Variants in TMEM17 observed in about 807,000 individuals in gnomAD.
TMEM17 encodes the protein transmembrane protein 17.
Under a neutral mutation model 19.1 loss-of-function variants are expected in TMEM17, and 15 were observed. That is an observed-to-expected ratio of 0.78 (90% CI 0.52 to 1.21). TMEM17 has a LOEUF of 1.21. Among genes scored for constraint, TMEM17 ranks in the 50% most tolerant of loss-of-function variants. The probability of loss-of-function intolerance (pLI) is 0.00; values close to 1 mark genes in which losing one functional copy is unlikely to be tolerated. For missense variants in TMEM17, 245 were observed against 242.3 expected, an observed-to-expected ratio of 1.01 and a Z score of -0.07; for synonymous variants, 103 against 86.9, an observed-to-expected ratio of 1.19 and a Z score of -1.03.
At position 62,506,035 on chromosome 2, in the gene TMEM17, C is replaced by T; in HGVS notation, c.95G>A (p.Gly32Asp). 1 of 1,609,962 alleles carries T rather than the reference C, an allele frequency of 6.2e-7. No homozygotes were observed. The change falls in exon 1 of 4, where the codon GGT (glycine) becomes GAT (aspartate). Residue 32 changes from glycine (G) to aspartate (D), a missense_variant. By Grantham distance (94) the Gly-to-Asp change is moderately conservative. Coordinates refer to ENST00000335390, the MANE Select transcript of TMEM17 (RefSeq NM_198276.3). ...ACCGGGCCTCGGTCACTCACCCGGA[C>T]CCTCATTGGACTCTGGACCGGTCCG... The part of the protein sequence containing the change: ...SNRTGPESNE[G>D]PENEMVSSLA...
At chr2:62,486,876 C>T in the TMEM17 span, among the ~76,000 whole-genome samples, 7 of 151,994 alleles carry the variant, frequency 4.6e-5, no homozygotes, top group Non-Finnish European at 1.0e-4. Context: ...GTGCTCCTGC[C>T]GGACCTGCTG....
At chr2:62,488,034 A>C in the TMEM17 span, among the ~76,000 whole-genome samples, 2 of 152,202 alleles carry the variant, frequency 1.3e-5, no homozygotes, top group African/African-American at 4.8e-5. Context: ...GAGTTAAGCT[A>C]TGGGCCACGG....
the TMEM17 span, among the ~76,000 whole-genome samples, chr2:62,485,188 C>T: frequency 6.6e-6 from 1 of 152,210 alleles, no homozygotes; most frequent in South Asian, 2.1e-4. Flanking sequence ...GATCCTCCTG[C>T]CTTGGCCTCC....
At chr2:62,488,365 T>C in the TMEM17 span, among the ~76,000 whole-genome samples, 4 of 152,092 alleles carry the variant, frequency 2.6e-5, no homozygotes, top group Non-Finnish European at 5.9e-5. Context: ...AGAAAGATGC[T>C]GAATGGAGAA....
At chr2:62,495,840 A>G (rs561716792), downstream of TMEM17, among the ~76,000 whole-genome samples, 2 of 152,268 alleles carry the variant, frequency 1.3e-5, no homozygotes, top group Non-Finnish European at 2.9e-5. Context: ...ATAATATTTC[A>G]TGCTCCATGC....
At chr2:62,468,947 G>C in the TMEM17 span, among the ~76,000 whole-genome samples, 1 of 152,198 alleles carries the variant, frequency 6.6e-6, no homozygotes, top group Non-Finnish European at 1.5e-5. Context: ...TCTGAATGCA[G>C]ACCATGGGGT....
the TMEM17 span, among the ~76,000 whole-genome samples, chr2:62,481,158 T>C: frequency 6.6e-6 from 1 of 152,312 alleles, no homozygotes; most frequent in Non-Finnish European, 1.5e-5. Context: ...TGGTTAACTT[T>C]ATTCCCAGGT....
At chr2:62,464,390 C>T in the TMEM17 span, among the ~76,000 whole-genome samples, 17 of 152,362 alleles carry the variant, frequency 1.1e-4, no homozygotes, top group African/African-American at 3.4e-4. Context: ...CCACCTCATT[C>T]ACTTGTGTGC....
the TMEM17 span, among the ~76,000 whole-genome samples, chr2:62,459,469 T>C: frequency 6.6e-6 from 1 of 152,272 alleles, no homozygotes. Flanking sequence ...CCTGACCAAG[T>C]TTCTTGACCA....
downstream of TMEM17, among the ~76,000 whole-genome samples, chr2:62,497,701 G>A (rs956696587): frequency 1.3e-5 from 2 of 152,158 alleles, no homozygotes; most frequent in Admixed American, 1.3e-4. Context: ...TAGGCAAGTG[G>A]GATTGAGTGC....
chr2:62,487,306 A>T, the TMEM17 span, among the ~76,000 whole-genome samples: 1 of 152,082 alleles, frequency 6.6e-6, no homozygotes, highest in African/African-American at 2.4e-5. Context: ...TTCTCACATC[A>T]CATCACTCTG....
chr2:62,470,498 T>C, the TMEM17 span, among the ~76,000 whole-genome samples: 1 of 152,182 alleles, frequency 6.6e-6, no homozygotes, highest in Non-Finnish European at 1.5e-5. Context: ...GTATTTCAGG[T>C]GAGTGCAGTG....
chr2:62,480,406 C>G, the TMEM17 span, among the ~76,000 whole-genome samples: 1 of 152,124 alleles, frequency 6.6e-6, no homozygotes, highest in African/African-American at 2.4e-5. Flanking sequence ...GTACAGAAGC[C>G]TTTTCAACTT....
intron 1 of TMEM17, among the ~76,000 whole-genome samples, 155 bp downstream of exon 1, chr2:62,505,875 C>T (rs541651596): frequency 7.0e-4 from 106 of 152,352 alleles, no homozygotes; most frequent in African/African-American, 2.4e-3. Flanking sequence ...GCTCCCTGTC[C>T]GGCCCGGCCC....
the TMEM17 span, chr2:62,463,410 T>G: frequency 6.6e-6 from 1 of 152,160 alleles, no homozygotes; most frequent in Non-Finnish European, 1.5e-5. Flanking sequence ...AGACCAACAT[T>G]ATAGTAATAA....
chr2:62,504,542 A>G (rs1192520503), intron 1 of TMEM17, among the ~76,000 whole-genome samples: 1 of 152,248 alleles, frequency 6.6e-6, no homozygotes, highest in East Asian at 1.9e-4. Context: ...TGCTATGTCC[A>G]TATTTCAGCA....
At chr2:62,485,018 A>C in the TMEM17 span, among the ~76,000 whole-genome samples, 1 of 152,144 alleles carries the variant, frequency 6.6e-6, no homozygotes, top group Admixed American at 6.5e-5. Context: ...GCTTACTGCA[A>C]CCTCCGCCTC....
At chr2:62,484,776 TC>T in the TMEM17 span, among the ~76,000 whole-genome samples, 3 of 152,196 alleles carry the variant, frequency 2.0e-5, no homozygotes, top group African/African-American at 7.2e-5. Context: ...ACTACTGAAA[TC>T]CTGTTTTTAC....
the TMEM17 span, among the ~76,000 whole-genome samples, chr2:62,461,451 A>G: frequency 1.3e-5 from 2 of 152,142 alleles, no homozygotes; most frequent in Non-Finnish European, 2.9e-5. Flanking sequence ...CTGCCTGGTC[A>G]GTGGAGGATG....
Sources: gnomAD v4.1 joint callset for allele counts (sites outside exome capture counted in the v4.1 genomes callset) on GRCh38, gnomAD v4.1.1 for gene constraint, MANE v1.5 for transcripts, NCBI Gene and HGNC (gene_info 2026-07-23, HGNC 2026-07-21) for gene names.